The following RNFT2 variants were observed in gnomAD, a reference collection of about 807,000 sequenced individuals.
RNFT2 encodes the protein ring finger protein, transmembrane 2, also known as E3 ubiquitin-protein ligase RNFT2.
In RNFT2, 36 loss-of-function variants were observed where a neutral mutation model predicts 53.0. The observed-to-expected ratio is 0.68, with a 90% CI of 0.52 to 0.90. RNFT2 has a LOEUF of 0.90. RNFT2 is among the 40% of genes least tolerant of loss of function. The pLI is 0.00. For missense variants in RNFT2, 514 were observed against 585.6 expected, an observed-to-expected ratio of 0.88 and a Z score of 1.26; for synonymous variants, 260 against 253.2, an observed-to-expected ratio of 1.03 and a Z score of -0.26.
At chr12:116,819,038 A>T (rs1875846789) in intron 7 of RNFT2, among the ~76,000 whole-genome samples, 1 of 152,206 alleles carries the variant, frequency 6.6e-6, no homozygotes, top group Non-Finnish European at 1.5e-5. Flanking sequence ...TCTGGGGCAG[A>T]TTCCTTTATC....
At chr12:116,797,831 A>C (rs1455259309) in intron 7 of RNFT2, among the ~76,000 whole-genome samples, 1 of 152,208 alleles carries the variant, frequency 6.6e-6, no homozygotes, top group Non-Finnish European at 1.5e-5. Context: ...ATGTAGATTA[A>C]GGGGCAGTTT....
intron 6 of RNFT2, among the ~76,000 whole-genome samples, chr12:116,771,801 C>T (rs561458188): frequency 5.9e-5 from 9 of 152,082 alleles, no homozygotes; most frequent in Admixed American, 2.0e-4. Flanking sequence ...TACTTAGCCC[C>T]GACTTATCAT....
chr12:116,837,929 TA>T (rs974784037), intron 10 of RNFT2, among the ~76,000 whole-genome samples: 9 of 151,918 alleles, frequency 5.9e-5, no homozygotes, highest in African/African-American at 1.7e-4. Context: ...AAGTTTACTT[TA>T]AAAAAAATCT....
intron 7 of RNFT2, among the ~76,000 whole-genome samples, chr12:116,802,200 C>T (rs1874832492): frequency 6.6e-6 from 1 of 152,204 alleles, no homozygotes; most frequent in South Asian, 2.1e-4. Context: ...TACTCACACA[C>T]TCACATAGTA....
intron 7 of RNFT2, among the ~76,000 whole-genome samples, chr12:116,787,445 C>T (rs562621342): frequency 6.6e-6 from 1 of 152,344 alleles, no homozygotes; most frequent in Admixed American, 6.5e-5. Flanking sequence ...CAGTGGCTCA[C>T]ACCTGTAATC....
intron 7 of RNFT2, among the ~76,000 whole-genome samples, chr12:116,804,220 G>A (rs1209659660): frequency 6.6e-6 from 1 of 152,156 alleles, no homozygotes; most frequent in Non-Finnish European, 1.5e-5. Context: ...GTGTTTTTGA[G>A]GTTTGTGTGT....
intron 7 of RNFT2, among the ~76,000 whole-genome samples, chr12:116,808,689 G>A (rs1200572279): frequency 5.3e-5 from 8 of 152,152 alleles, no homozygotes; most frequent in East Asian, 1.9e-4. Context: ...CATGGCCCCC[G>A]CAGTTTAATT....
chr12:116,804,013 G>A (rs2137155300), intron 7 of RNFT2, among the ~76,000 whole-genome samples: 1 of 152,314 alleles, frequency 6.6e-6, no homozygotes, highest in Non-Finnish European at 1.5e-5. Flanking sequence ...GGGACTTGGG[G>A]AACCATGGCA....
At chr12:116,783,855 A>C (rs894837053) in intron 7 of RNFT2, among the ~76,000 whole-genome samples, 2 of 152,226 alleles carry the variant, frequency 1.3e-5, no homozygotes, top group African/African-American at 4.8e-5. Context: ...TCTAGTTAGG[A>C]CCAGGAATAA....
At chr12:116,826,868 G>A (rs1015560731) in intron 7 of RNFT2, among the ~76,000 whole-genome samples, 1 of 152,204 alleles carries the variant, frequency 6.6e-6, no homozygotes, top group Non-Finnish European at 1.5e-5. Context: ...GGGGCTTACA[G>A]TCCAGTGGGA....
intron 7 of RNFT2, among the ~76,000 whole-genome samples, chr12:116,828,866 C>G (rs570328001): frequency 6.6e-6 from 1 of 152,032 alleles, no homozygotes; most frequent in South Asian, 2.1e-4. Flanking sequence ...TAAGGCCAGG[C>G]ATGGTGGCTC....
intron 8 of RNFT2, among the ~76,000 whole-genome samples, chr12:116,834,943 G>A (rs753510798): frequency 2.6e-5 from 4 of 151,268 alleles, no homozygotes; most frequent in African/African-American, 4.9e-5. Flanking sequence ...TCCGCCTCCC[G>A]GGTTCAAGCG....
chr12:116,845,402 A>C (rs2137223839), intron 10 of RNFT2, among the ~76,000 whole-genome samples: 1 of 152,102 alleles, frequency 6.6e-6, no homozygotes, highest in East Asian at 1.9e-4. Flanking sequence ...AGACGCGATC[A>C]GTACTTACAT....
Position 116,740,462 on chromosome 12 carries a change from T to C in RNFT2, c.-36T>C, listed in dbSNP as rs1592931334. ...ATCCCCCTGAGGATTCCCGAATGCCTACCTCCAGTGTCGTCAACATGGAGT... is the reference window on the plus strand; with the variant it reads ...ATCCCCCTGAGGATTCCCGAATGCCCACCTCCAGTGTCGTCAACATGGAGT... On this transcript the variant is annotated 5_prime_UTR_variant, in exon 2 of 11. Transcript: ENST00000257575. The C allele has an allele frequency of 6.4e-7, 1 of 1,563,300 alleles. No individual in the cohort carries two copies. The highest frequency in any genetic ancestry group is 8.7e-7 in the Non-Finnish European group (1 of 1,152,166).
At chr12:116,803,307 T>C (rs1338905200) in intron 7 of RNFT2, among the ~76,000 whole-genome samples, 1 of 152,214 alleles carries the variant, frequency 6.6e-6, no homozygotes, top group African/African-American at 2.4e-5. Context: ...CTTGTTCCAG[T>C]TGTCATTAGT....
At chr12:116,800,957 A>G (rs1393367503) in intron 7 of RNFT2, 3 of 152,178 alleles carry the variant, frequency 2.0e-5, no homozygotes, top group Non-Finnish European at 4.4e-5. Flanking sequence ...ACTCAGCTTG[A>G]CTGGGTGACA....
rs557620090 is a variant in RNFT2 at position 116,839,293 on chromosome 12, T to TTGGA, written c.1200+3028_1200+3031dup. 2.5e-3 allele frequency among the ~76,000 whole-genome samples: 382 copies of TTGGA among 152,028 alleles called. 2 individuals carry two copies. The highest frequency in any genetic ancestry group is 8.8e-3 in the African/African-American group (365 of 41,470). ...AGCCACAGTACTGTCTCAGTAAATA[T>TTGGA]TGGATGGATGGATGGATGGAGGGAT... On this transcript the variant is annotated intron_variant, in intron 10 of 10. Transcript: ENST00000257575.
Position 116,779,290 on chromosome 12 carries a change from T to A in RNFT2, c.824T>A (p.Ile275Asn). 6.2e-7 allele frequency: 1 copy of A among 1,614,010 alleles called. No homozygotes were observed. The change falls in exon 7 of 11, where the codon ATC becomes AAC. Residue 275 changes from isoleucine (I) to asparagine (N), a missense_variant. Around this residue, in one of 3 missense-constraint regions of RNFT2, gnomAD observed 273 missense variants for 334.4 expected, o/e 0.82. Coordinates refer to ENST00000257575, the MANE Select transcript of RNFT2 (RefSeq NM_001382266.1). Reference sequence around the variant, plus strand: ...GACTTTGTTCTGAAGTACATCACCATCGCCCTCAAGTGCCTCATCGTGGCC... The same window carrying A: ...GACTTTGTTCTGAAGTACATCACCAACGCCCTCAAGTGCCTCATCGTGGCC... Reference protein sequence around the residue: ...IADFVLKYITIALKCLIVALP... With the variant: ...IADFVLKYITNALKCLIVALP...
At chr12:116,790,844 C>A (rs1243345158) in intron 7 of RNFT2, among the ~76,000 whole-genome samples, 1 of 152,100 alleles carries the variant, frequency 6.6e-6, no homozygotes, top group Non-Finnish European at 1.5e-5. Context: ...GTAGTCCCAG[C>A]TACTTGGGAG....
Sources: allele counts gnomAD v4.1 joint callset (sites outside exome capture counted in the v4.1 genomes callset), GRCh38; gene constraint gnomAD v4.1.1; regional missense constraint gnomAD v4.1.1; transcripts MANE v1.5; gene names NCBI Gene and HGNC (gene_info 2026-07-23, HGNC 2026-07-21).